GRM5: variants seen among roughly 807,000 people sequenced by gnomAD.
GRM5 encodes glutamate metabotropic receptor 5, also known as metabotropic glutamate receptor 5.
GRM5 carries 19 observed loss-of-function variants against 83.1 expected under a neutral mutation model. The ratio of observed to expected loss-of-function variants is 0.23; its 90% CI spans 0.16 to 0.34. The LOEUF (loss-of-function observed/expected upper bound fraction) is 0.34, where lower values mean the gene tolerates loss of function less well. GRM5 is among the 10% of genes least tolerant of loss of function. GRM5 has a pLI of 1.00. For synonymous variants in GRM5, 675 were observed against 633.6 expected, an observed-to-expected ratio of 1.07 and a Z score of -0.98; for missense variants, 1,160 against 1,588.3, an observed-to-expected ratio of 0.73 and a Z score of 4.58.
At chr11:88,900,243 C>G (rs930771702) in intron 2 of GRM5, among the ~76,000 whole-genome samples, 1 of 152,042 alleles carries the variant, frequency 6.6e-6, no homozygotes, top group African/African-American at 2.4e-5. Flanking sequence ...TGTATAACAA[C>G]CTGGTTTCTG....
intron 2 of GRM5, among the ~76,000 whole-genome samples, chr11:88,986,813 C>T (rs1407046633): frequency 7.5e-6 from 1 of 134,196 alleles, no homozygotes; most frequent in Admixed American, 8.7e-5. Flanking sequence ...ATCTTTCCTT[C>T]TAGTTTTCCT....
intron 3 of GRM5, among the ~76,000 whole-genome samples, chr11:88,740,515 A>G (rs935241501): frequency 6.6e-6 from 1 of 152,060 alleles, no homozygotes; most frequent in Admixed American, 6.6e-5. Context: ...CATAGTAACC[A>G]TAAGAAGTTG....
intron 2 of GRM5, among the ~76,000 whole-genome samples, chr11:88,985,398 A>C (rs377366361): frequency 4.2e-4 from 64 of 152,252 alleles, no homozygotes; most frequent in African/African-American, 1.5e-3. Context: ...AAGCTATTAG[A>C]GAAGCATTCC....
intron 3 of GRM5, among the ~76,000 whole-genome samples, chr11:88,819,433 A>G (rs912571947): frequency 1.3e-5 from 2 of 152,218 alleles, no homozygotes; most frequent in African/African-American, 2.4e-5. Context: ...ACATGTAGCT[A>G]TTAATTCATC....
intron 3 of GRM5, among the ~76,000 whole-genome samples, chr11:88,654,136 CATAACT>C (rs1465592746): frequency 3.9e-5 from 6 of 152,190 alleles, no homozygotes; most frequent in Middle Eastern, 3.4e-3. Flanking sequence ...TACTCCTCAA[CATAACT>C]ATCATTCTAT....
intron 2 of GRM5, among the ~76,000 whole-genome samples, chr11:88,926,141 A>G (rs1253720274): frequency 6.6e-6 from 1 of 152,130 alleles, no homozygotes; most frequent in Non-Finnish European, 1.5e-5. Context: ...TTGATTCCCT[A>G]AACTCTCAAT....
chr11:88,815,914 T>C lies in GRM5; in HGVS notation c.911+33992A>G, dbSNP rs527434745. ...AAATCAGAGGCTTCAGCCCCTGCCTTAAGAAATTGGAAACAGAGGCCGGGC... is the reference window on the plus strand; with the variant it reads ...AAATCAGAGGCTTCAGCCCCTGCCTCAAGAAATTGGAAACAGAGGCCGGGC... On this transcript the variant is annotated intron_variant, in intron 3 of 9. Coordinates refer to ENST00000305447, the MANE Select transcript of GRM5 (RefSeq NM_001143831.3). Among the ~76,000 whole-genome samples the C allele has an allele frequency of 3.2e-4, 49 of 151,892 alleles. 1 individual carries two copies. The highest frequency in any genetic ancestry group is 6.8e-3 in the Middle Eastern group (2 of 294).
chr11:89,044,272 T>C (rs554792688), intron 2 of GRM5, among the ~76,000 whole-genome samples: 4 of 152,306 alleles, frequency 2.6e-5, no homozygotes, highest in African/African-American at 9.6e-5. Flanking sequence ...CTTTAAAAAA[T>C]GCTTTCTTTT....
chr11:88,661,293 A>T (rs1185474677), intron 3 of GRM5, among the ~76,000 whole-genome samples: 1 of 152,192 alleles, frequency 6.6e-6, no homozygotes, highest in African/African-American at 2.4e-5. Flanking sequence ...ATTTCTTTTC[A>T]GATAACTACA....
chr11:88,793,049 G>A (rs1415357456), intron 3 of GRM5, among the ~76,000 whole-genome samples: 1 of 151,960 alleles, frequency 6.6e-6, no homozygotes, highest in Admixed American at 6.6e-5. Context: ...CTAGCCTTAT[G>A]TTTATGATCA....
chr11:88,695,780 C>G (rs1299093393), intron 3 of GRM5, among the ~76,000 whole-genome samples: 1 of 152,110 alleles, frequency 6.6e-6, no homozygotes, highest in Non-Finnish European at 1.5e-5. Context: ...GGGTGTGGCT[C>G]GCTTCTTCCA....
intron 4 of GRM5, among the ~76,000 whole-genome samples, chr11:88,651,747 A>G (rs1939638486): frequency 6.6e-6 from 1 of 152,062 alleles, no homozygotes; most frequent in South Asian, 2.1e-4. Flanking sequence ...TCTGGATTTC[A>G]TTGATGGGTG....
At chr11:88,887,783 C>T (rs1007738277) in intron 2 of GRM5, among the ~76,000 whole-genome samples, 1 of 152,178 alleles carries the variant, frequency 6.6e-6, no homozygotes, top group Non-Finnish European at 1.5e-5. Flanking sequence ...AGGGACTCCT[C>T]TTAACCAGAG....
At position 88,987,184 on chromosome 11, in the gene GRM5, T is replaced by C. The variant is rs576844200; in HGVS notation, c.661+60028A>G. Among the ~76,000 whole-genome samples the C allele has an allele frequency of 1.4e-4, 21 of 152,100 alleles. No individual in the cohort carries two copies. The South Asian group carries it at 1.9e-3, about 14-fold the overall frequency. On this transcript the variant is annotated intron_variant, in intron 2 of 9. Transcript: ENST00000305447. Reference sequence around the variant, plus strand: ...GCACAAGCCGAAGCAGGGTGAGGCATTGCCTCACTCGGGAAGTGCAAGGGG... The same window carrying C: ...GCACAAGCCGAAGCAGGGTGAGGCACTGCCTCACTCGGGAAGTGCAAGGGG...
intron 4 of GRM5, among the ~76,000 whole-genome samples, chr11:88,646,213 T>C (rs1448434158): frequency 1.3e-5 from 2 of 152,042 alleles, no homozygotes; most frequent in Non-Finnish European, 2.9e-5. Flanking sequence ...AATAGCATAG[T>C]TATTAGGAAA....
At chr11:88,780,237 T>C (rs1020983772) in intron 3 of GRM5, among the ~76,000 whole-genome samples, 2 of 152,218 alleles carry the variant, frequency 1.3e-5, no homozygotes. Context: ...TGGGCTGCTT[T>C]ATACTACACT....
intron 3 of GRM5, among the ~76,000 whole-genome samples, chr11:88,693,157 A>C (rs1940820279): frequency 6.6e-6 from 1 of 152,204 alleles, no homozygotes; most frequent in Non-Finnish European, 1.5e-5. Flanking sequence ...ATTCAATTCA[A>C]TTCAATTAAA....
chr11:88,895,692 T>G (rs1253043387), intron 2 of GRM5, among the ~76,000 whole-genome samples: 1 of 151,952 alleles, frequency 6.6e-6, no homozygotes, highest in Non-Finnish European at 1.5e-5. Flanking sequence ...CTATGCTACT[T>G]TTAAACAATA....
At chr11:88,861,218 C>T (rs928883220) in intron 2 of GRM5, among the ~76,000 whole-genome samples, 2 of 152,056 alleles carry the variant, frequency 1.3e-5, no homozygotes, top group African/African-American at 4.8e-5. Flanking sequence ...TTAATGGCAT[C>T]CAAACTTTTC....
Sources: allele counts gnomAD v4.1 joint callset (sites outside exome capture counted in the v4.1 genomes callset), GRCh38; gene constraint gnomAD v4.1.1; transcripts MANE v1.5; gene names NCBI Gene and HGNC (gene_info 2026-07-23, HGNC 2026-07-21).